CNTN4: variants seen among roughly 807,000 people sequenced by gnomAD.
CNTN4 encodes the protein contactin-4.
Under a neutral mutation model 122.5 loss-of-function variants are expected in CNTN4, and 77 were observed. The ratio of observed to expected loss-of-function variants is 0.63; its 90% CI spans 0.52 to 0.76. CNTN4 has a LOEUF of 0.76. Among genes scored for constraint, CNTN4 ranks in the 30% least tolerant of loss-of-function variants. The pLI, the probability that CNTN4 is intolerant of heterozygous loss-of-function variation, is 0.00. For missense variants in CNTN4, 1,256 were observed against 1,259.1 expected, an observed-to-expected ratio of 1.00 and a Z score of 0.04; for synonymous variants, 512 against 447.0, an observed-to-expected ratio of 1.15 and a Z score of -1.83.
At chr3:2,844,763 G>T (rs17645228) in intron 7 of CNTN4, among the ~76,000 whole-genome samples, 5 of 152,066 alleles carry the variant, frequency 3.3e-5, no homozygotes, top group Admixed American at 2.6e-4. Context: ...TCTATTTAAG[G>T]GACAATAAAG....
chr3:2,544,877 C>T (rs564336019), intron 3 of CNTN4, among the ~76,000 whole-genome samples: 2 of 151,816 alleles, frequency 1.3e-5, no homozygotes, highest in South Asian at 2.1e-4. Flanking sequence ...TCCTTCAGTT[C>T]AGCTCTGATT....
At chr3:2,892,614 A>G (rs376377551) in intron 10 of CNTN4, among the ~76,000 whole-genome samples, 85 of 152,280 alleles carry the variant, frequency 5.6e-4, no homozygotes, top group African/African-American at 1.9e-3. Context: ...TTTTTGCCCA[A>G]AAAGACTGAT....
At chr3:2,228,422 A>C (rs1575125585) in intron 2 of CNTN4, among the ~76,000 whole-genome samples, 1 of 152,144 alleles carries the variant, frequency 6.6e-6, no homozygotes, top group African/African-American at 2.4e-5. Context: ...TTTTTACACT[A>C]CAACAGTAGA....
intron 14 of CNTN4, among the ~76,000 whole-genome samples, chr3:3,011,280 A>C (rs1372744062): frequency 1.3e-5 from 2 of 152,190 alleles, no homozygotes; most frequent in East Asian, 3.8e-4. Flanking sequence ...AAACTACTCC[A>C]ATAATCCATT....
chr3:3,033,624 G>A (rs573905577), intron 16 of CNTN4, among the ~76,000 whole-genome samples: 3 of 152,268 alleles, frequency 2.0e-5, no homozygotes, highest in Non-Finnish European at 4.4e-5. Flanking sequence ...CCCGTCTAAT[G>A]GGCATGAGGT....
chr3:2,699,566 T>G (rs1355115311), intron 4 of CNTN4, among the ~76,000 whole-genome samples: 2 of 152,206 alleles, frequency 1.3e-5, no homozygotes, highest in African/African-American at 2.4e-5. Flanking sequence ...ATAACTCAGT[T>G]GCCCTCAGAA....
At chr3:2,307,719 T>C (rs1406657976) in intron 2 of CNTN4, among the ~76,000 whole-genome samples, 2 of 152,190 alleles carry the variant, frequency 1.3e-5, no homozygotes, top group Non-Finnish European at 2.9e-5. Context: ...TGTGCTACAT[T>C]GATTGATTTT....
At chr3:2,398,569 G>A (rs1477474334) in intron 3 of CNTN4, among the ~76,000 whole-genome samples, 1 of 152,154 alleles carries the variant, frequency 6.6e-6, no homozygotes, top group African/African-American at 2.4e-5. Flanking sequence ...CTATGGACAG[G>A]TTTAGTCAAT....
chr3:2,993,798 C>T (rs548665053), intron 14 of CNTN4, among the ~76,000 whole-genome samples: 36 of 152,302 alleles, frequency 2.4e-4, no homozygotes, highest in Non-Finnish European at 4.1e-4. Context: ...TCTTGTACCC[C>T]TGCTGATCTT....
At chr3:2,197,516 T>A (rs2037902684) in intron 2 of CNTN4, among the ~76,000 whole-genome samples, 1 of 152,120 alleles carries the variant, frequency 6.6e-6, no homozygotes, top group African/African-American at 2.4e-5. Flanking sequence ...GGGATAGGAG[T>A]TGCTTTTTTC....
At chr3:2,665,185 T>A (rs1044446998) in intron 4 of CNTN4, among the ~76,000 whole-genome samples, 6 of 152,224 alleles carry the variant, frequency 3.9e-5, no homozygotes, top group African/African-American at 1.4e-4. Context: ...ATGTTGCAAA[T>A]ACTAATTCAG....
At chr3:2,585,749 T>C (rs1187462939) in intron 4 of CNTN4, among the ~76,000 whole-genome samples, 1 of 151,124 alleles carries the variant, frequency 6.6e-6, no homozygotes, top group Non-Finnish European at 1.5e-5. Context: ...AATGACACGT[T>C]AATGGGTGCA....
At chr3:2,287,679 GAAGAAGAA>G (rs1559415585) in intron 2 of CNTN4, among the ~76,000 whole-genome samples, 1,695 of 97,990 alleles carry the variant, frequency 0.017, 49 homozygotes, top group South Asian at 0.026. Context: ...AGAAGAAGAA[GAAGAAGAA>G]GAAGAGGAAG....
At chr3:2,579,983 T>C (rs2079862327) in intron 4 of CNTN4, among the ~76,000 whole-genome samples, 1 of 152,008 alleles carries the variant, frequency 6.6e-6, no homozygotes, top group Admixed American at 6.6e-5. Context: ...TATACAATGG[T>C]GTTACAATAA....
intron 2 of CNTN4, among the ~76,000 whole-genome samples, chr3:2,156,275 A>G (rs1373737770): frequency 1.3e-5 from 2 of 152,170 alleles, no homozygotes; most frequent in African/African-American, 2.4e-5. Context: ...GAACCATGGG[A>G]ACCTTGGAAG....
intron 13 of CNTN4, among the ~76,000 whole-genome samples, chr3:2,959,995 C>T (rs1222710757): frequency 6.6e-6 from 1 of 152,170 alleles, no homozygotes; most frequent in Non-Finnish European, 1.5e-5. Context: ...GCAGTTCTAT[C>T]TTCAAAGTCC....
Position 3,030,828 on chromosome 3 carries a change from T to C in CNTN4, c.1663-27T>C, listed in dbSNP as rs140812343. Reference sequence around the variant, plus strand: ...TATTTAGAGCTCATTAAAAAGTAATTGCAGCCACTTTCCCCTACTTTATCA... The same window carrying C: ...TATTTAGAGCTCATTAAAAAGTAATCGCAGCCACTTTCCCCTACTTTATCA... On this transcript the variant is annotated intron_variant, in intron 15 of 24. Coordinates refer to ENST00000418658, the MANE Select transcript of CNTN4 (RefSeq NM_175607.3). 3,033 of 1,613,362 alleles carry C rather than the reference T, an allele frequency of 1.9e-3. 12 individuals carry two copies. The highest frequency in any genetic ancestry group is 5.6e-3 in the Admixed American group (336 of 60,008).
At chr3:2,366,802 C>T (rs1009740755) in intron 3 of CNTN4, among the ~76,000 whole-genome samples, 1 of 151,230 alleles carries the variant, frequency 6.6e-6, no homozygotes, top group African/African-American at 2.4e-5. Flanking sequence ...ATCTACCAAA[C>T]CTTGGATTCA....
rs1158027742 is a variant in CNTN4 at position 2,270,063 on chromosome 3, C to T, written c.-144-69115C>T. ...TTCCCGGGTTCACGCCATTCTCCTGCCTCAGCCTCCCCAGTAGCTGGGACT... is the reference window on the plus strand; with the variant it reads ...TTCCCGGGTTCACGCCATTCTCCTGTCTCAGCCTCCCCAGTAGCTGGGACT... On this transcript the variant is annotated intron_variant, in intron 2 of 24. Coordinates refer to ENST00000418658, the MANE Select transcript of CNTN4 (RefSeq NM_175607.3). 3.2e-5 allele frequency among the ~76,000 whole-genome samples: 3 copies of T among 94,480 alleles called. 1 individual carries two copies. Among genetic ancestry groups the T allele is most frequent in the Non-Finnish European group, 7.2e-5 (3 of 41,940 alleles). The allele number at this position is 94,480 out of a possible 152,430, so 62.0% of individuals were successfully genotyped here.
Sources: allele counts gnomAD v4.1 joint callset (sites outside exome capture counted in the v4.1 genomes callset), GRCh38; gene constraint gnomAD v4.1.1; transcripts MANE v1.5; gene names NCBI Gene and HGNC (gene_info 2026-07-23, HGNC 2026-07-21).